KCNG2: variants seen among roughly 807,000 people sequenced by gnomAD.
The protein encoded by KCNG2 is voltage-gated potassium channel regulatory subunit KCNG2.
KCNG2 carries 7 observed loss-of-function variants against 12.3 expected under a neutral mutation model. The observed-to-expected ratio is 0.57, with a 90% CI of 0.32 to 1.07. KCNG2 has a LOEUF of 1.07. Ranked by LOEUF, KCNG2 falls within the 50% of genes least tolerant of loss-of-function variation. KCNG2 has a pLI of 0.04. For missense variants in KCNG2, 703 were observed against 726.0 expected (o/e 0.97, Z 0.36); for synonymous variants, 414 against 351.4 (o/e 1.18, Z -1.99).
At chr18:79,860,561 T>A (rs897537259) in intron 2 of KCNG2, among the ~76,000 whole-genome samples, 1 of 152,256 alleles carries the variant, frequency 6.6e-6, no homozygotes, top group Non-Finnish European at 1.5e-5. Flanking sequence ...GGAATTTTTT[T>A]AACTTCCTTT....
At chr18:79,813,037 C>A (rs1009407068) in intron 1 of KCNG2, among the ~76,000 whole-genome samples, 10 of 152,056 alleles carry the variant, frequency 6.6e-5, no homozygotes, top group African/African-American at 2.4e-4. Flanking sequence ...TGCCTGTAAT[C>A]CCAGCTACTC....
At chr18:79,865,652 A>G (rs62103181) in intron 3 of KCNG2, among the ~76,000 whole-genome samples, 64,037 of 127,226 alleles carry the variant, frequency 0.5, 17,120 homozygotes, top group Middle Eastern at 0.66. Context: ...AGAAGTTTGC[A>G]TGCTGAGAGA....
chr18:79,868,595 A>G (rs1163924140), intron 3 of KCNG2, among the ~76,000 whole-genome samples: 1 of 152,244 alleles, frequency 6.6e-6, no homozygotes, highest in African/African-American at 2.4e-5. Context: ...TTGGTGACGT[A>G]ACAAAACCGG....
intron 2 of KCNG2, among the ~76,000 whole-genome samples, chr18:79,860,162 A>G (rs567779867): frequency 1.3e-5 from 2 of 152,300 alleles, no homozygotes; most frequent in African/African-American, 4.8e-5. Flanking sequence ...ATTTCGACAC[A>G]AGATTTAGGT....
intron 1 of KCNG2, among the ~76,000 whole-genome samples, chr18:79,841,252 A>G (rs954423223): frequency 1.3e-5 from 2 of 152,196 alleles, no homozygotes; most frequent in African/African-American, 4.8e-5. Flanking sequence ...TGATCACACC[A>G]TTGCACTGGT....
chr18:79,862,251 C>A (rs151149357), intron 2 of KCNG2, among the ~76,000 whole-genome samples: 21 of 152,342 alleles, frequency 1.4e-4, no homozygotes, highest in Non-Finnish European at 2.5e-4. Context: ...ACTCTCCCCT[C>A]TCCCCAGGAG....
chr18:79,863,831 TG>T lies in KCNG2; in HGVS notation c.165del (p.Leu56CysfsTer9). ...CGCGCCTGCCGCGGCCACGACGACC[TG>T]CTGCGCGTGTGTGACGACTACGACG... ...RLRACRGHDD[L>X]LRVCDDYDVS... is the part of the protein sequence containing the mutation. On this transcript the variant is annotated frameshift_variant, in exon 3 of 4. Coordinates refer to ENST00000316249, the MANE Select transcript of KCNG2 (RefSeq NM_012283.2). LOFTEE classifies it high-confidence loss of function. The T allele has an allele frequency of 7.0e-7, 1 of 1,425,712 alleles. No homozygotes were observed. Among genetic ancestry groups the T allele is most frequent in the South Asian group, 1.3e-5 (1 of 74,220 alleles). 88.3% of individuals were successfully genotyped at this position (1,425,712 alleles called of 1,614,324 possible). A position where few individuals can be genotyped will look rare whatever the true frequency, so the allele number is the denominator to read the frequency against.
rs111870329 is a variant in KCNG2, at chr18:79,897,226, G to A, written c.625-1814G>A. 2.7e-3 allele frequency among the ~76,000 whole-genome samples: 409 copies of A among 151,564 alleles called. 1 individual carries two copies. Among genetic ancestry groups the A allele is most frequent in the African/African-American group, 9.4e-3 (389 of 41,248 alleles). On this transcript the variant is annotated intron_variant, in intron 3 of 3. Coordinates refer to ENST00000316249, the MANE Select transcript of KCNG2 (RefSeq NM_012283.2). ...TTATGCATATATTGGTGCATATAAC[G>A]GTGTCCCACACTTCCTAAAGCGCTG...
At chr18:79,846,455 T>C (rs909943731) in intron 1 of KCNG2, among the ~76,000 whole-genome samples, 15 of 130,602 alleles carry the variant, frequency 1.1e-4, no homozygotes, top group African/African-American at 4.1e-4. Flanking sequence ...CAAATCAAAA[T>C]AGTTGAGACT....
At chr18:79,835,881 A>C (rs1431654678) in intron 1 of KCNG2, among the ~76,000 whole-genome samples, 1 of 152,274 alleles carries the variant, frequency 6.6e-6, no homozygotes, top group East Asian at 1.9e-4. Context: ...TACCTAGAAC[A>C]GATACAAAAA....
chr18:79,877,551 C>T (rs894714355), intron 3 of KCNG2, among the ~76,000 whole-genome samples: 2 of 152,164 alleles, frequency 1.3e-5, no homozygotes, highest in African/African-American at 4.8e-5. Flanking sequence ...CCAGCCTTCC[C>T]TGACCCCCTT....
chr18:79,844,161 C>T (rs1353141477), intron 1 of KCNG2, among the ~76,000 whole-genome samples: 1 of 152,064 alleles, frequency 6.6e-6, no homozygotes, highest in African/African-American at 2.4e-5. Flanking sequence ...TGAAATCCAC[C>T]TAAGTGCCCA....
chr18:79,821,587 G>A (rs2087571089), intron 1 of KCNG2, among the ~76,000 whole-genome samples: 1 of 152,212 alleles, frequency 6.6e-6, no homozygotes, highest in Non-Finnish European at 1.5e-5. Flanking sequence ...ACCACGCCTG[G>A]CCTTTTACTT....
chr18:79,798,453 C>T (rs993796580), intron 1 of KCNG2, among the ~76,000 whole-genome samples: 7 of 152,132 alleles, frequency 4.6e-5, no homozygotes, highest in Non-Finnish European at 1.0e-4. Context: ...CGGCGCCCGC[C>T]CCGGTTCGGT....
intron 1 of KCNG2, among the ~76,000 whole-genome samples, chr18:79,807,798 TC>T (rs2087462698): frequency 2.7e-5 from 4 of 147,084 alleles, no homozygotes; most frequent in Non-Finnish European, 6.0e-5. Context: ...CTGACCACAC[TC>T]CACGTTATGG....
intron 1 of KCNG2, among the ~76,000 whole-genome samples, chr18:79,855,969 G>A (rs552293660): frequency 2.0e-4 from 30 of 152,260 alleles, no homozygotes; most frequent in African/African-American, 4.1e-4. Flanking sequence ...TGAGCTGTGC[G>A]TTGTCTTTCT....
chr18:79,836,918 T>G (rs990145057), intron 1 of KCNG2, among the ~76,000 whole-genome samples: 1 of 152,066 alleles, frequency 6.6e-6, no homozygotes, highest in Non-Finnish European at 1.5e-5. Flanking sequence ...CCCTCCCAAA[T>G]CTCATGTCCT....
intron 2 of KCNG2, among the ~76,000 whole-genome samples, chr18:79,858,226 T>G (rs1979089502): frequency 6.6e-6 from 1 of 152,190 alleles, no homozygotes; most frequent in Non-Finnish European, 1.5e-5. Flanking sequence ...GGTCTCAAAC[T>G]CCTGACCTCA....
At chr18:79,848,167 A>C (rs60051506) in intron 1 of KCNG2, among the ~76,000 whole-genome samples, 2 of 152,170 alleles carry the variant, frequency 1.3e-5, no homozygotes, top group Non-Finnish European at 1.5e-5. Context: ...ATGAACGCCA[A>C]CCTCATCTGT....
Sources: allele counts gnomAD v4.1 joint callset (sites outside exome capture counted in the v4.1 genomes callset), GRCh38; gene constraint gnomAD v4.1.1; transcripts MANE v1.5; gene names NCBI Gene and HGNC (gene_info 2026-07-23, HGNC 2026-07-21).